The following CCDC38 variants were observed in gnomAD, a reference collection of about 807,000 sequenced individuals.
CCDC38 encodes coiled-coil domain containing 38.
In CCDC38, 69 loss-of-function variants were observed where a neutral mutation model predicts 72.8. That is an observed-to-expected ratio of 0.95 (90% confidence interval 0.78 to 1.16). CCDC38 has a LOEUF of 1.16. Ranked by LOEUF, CCDC38 falls within the 50% of genes most tolerant of loss-of-function variation. The pLI is 0.00. For missense variants in CCDC38, 626 were observed against 638.9 expected (o/e 0.98, Z 0.22); for synonymous variants, 201 against 213.2 (o/e 0.94, Z 0.50).
At chr12:95,887,394 G>A (rs1898179) in intron 10 of CCDC38, among the ~76,000 whole-genome samples, 27,250 of 152,094 alleles carry the variant, frequency 0.18, 2,619 homozygotes, top group African/African-American at 0.24. Context: ...ACTGTAGCAC[G>A]TCCATACCAT....
chr12:95,892,444 C>T (rs2079838868), intron 8 of CCDC38, among the ~76,000 whole-genome samples: 1 of 151,286 alleles, frequency 6.6e-6, no homozygotes, highest in East Asian at 1.9e-4. Context: ...CCACCATGCT[C>T]AGCTAATTTT....
intron 3 of CCDC38, among the ~76,000 whole-genome samples, chr12:95,918,211 C>T (rs928704730): frequency 3.9e-5 from 6 of 152,198 alleles, no homozygotes; most frequent in Admixed American, 3.9e-4. Context: ...GAGATTAACT[C>T]TGCAAGGCAC....
chr12:95,927,877 T>C (rs1219492168), intron 2 of CCDC38, among the ~76,000 whole-genome samples: 1 of 149,874 alleles, frequency 6.7e-6, no homozygotes, highest in African/African-American at 2.5e-5. Flanking sequence ...CCCACTCTCT[T>C]CTGGCTTGTA....
intron 7 of CCDC38, among the ~76,000 whole-genome samples, chr12:95,897,921 C>T (rs534211436): frequency 5.9e-5 from 9 of 151,990 alleles, no homozygotes; most frequent in Non-Finnish European, 1.2e-4. Context: ...CTAGTTTCCA[C>T]TATGTAAGCG....
intron 2 of CCDC38, among the ~76,000 whole-genome samples, chr12:95,925,454 G>C (rs1022903571): frequency 6.6e-6 from 1 of 152,200 alleles, no homozygotes. Flanking sequence ...AGACGATGGG[G>C]TTTTCTAGAT....
At chr12:95,925,794 A>T (rs756492172) in intron 2 of CCDC38, among the ~76,000 whole-genome samples, 7 of 151,688 alleles carry the variant, frequency 4.6e-5, no homozygotes, top group Middle Eastern at 3.4e-3. Context: ...ATCTATTGAG[A>T]TAATCATGTG....
At chr12:95,925,370 T>C (rs560974512) in intron 2 of CCDC38, among the ~76,000 whole-genome samples, 1 of 152,328 alleles carries the variant, frequency 6.6e-6, no homozygotes, top group South Asian at 2.1e-4. Context: ...AGAATGCTTG[T>C]GATTTTTGCA....
At chr12:95,919,797 G>A in intron 2 of CCDC38, 1 of 297,542 alleles carries the variant, frequency 3.4e-6, no homozygotes, top group Non-Finnish European at 6.8e-6. Flanking sequence ...CCTCTGCCCA[G>A]ATTAGAGAGT....
Position 95,894,976 on chromosome 12 carries a change from A to G in CCDC38, c.772+13T>C, listed in dbSNP as rs2079869825. On this transcript the variant is annotated intron_variant, in intron 8 of 15. Transcript: ENST00000344280. ...GATATTTAGTTCATGAAAGTTGAGT[A>G]TAAGTAACTTACTTGCTAATATTTT... The G allele has an allele frequency of 6.3e-7, 1 of 1,596,472 alleles. No individual in the cohort carries two copies. The highest frequency in any genetic ancestry group is 1.3e-5 in the African/African-American group (1 of 74,288).
chr12:95,943,178 G>A (rs1048124342), upstream of CCDC38: 1 of 509,312 alleles, frequency 2.0e-6, no homozygotes, highest in Non-Finnish European at 3.4e-6. Context: ...AAAAAAGAGA[G>A]GATTCCTCAT....
Position 95,936,521 on chromosome 12 carries a change from G to T in CCDC38, c.-12C>A, listed in dbSNP as rs1364712599. The T allele has an allele frequency of 1.2e-6, 2 of 1,600,150 alleles. No homozygotes were observed. The highest frequency in any genetic ancestry group is 3.5e-5 in the Admixed American group (2 of 57,452). On this transcript the variant is annotated splice_region_variant and 5_prime_UTR_variant, in exon 2 of 16. Coordinates refer to ENST00000344280, the MANE Select transcript of CCDC38 (RefSeq NM_182496.3). Reference sequence around the variant, plus strand: ...AAATTTGAGGACATTTTCTTGCCTGGCCCTGTTGAAAGAAAAAAAAATACG... The same window carrying T: ...AAATTTGAGGACATTTTCTTGCCTGTCCCTGTTGAAAGAAAAAAAAATACG...
intron 4 of CCDC38, among the ~76,000 whole-genome samples, chr12:95,910,334 A>ACACAC (rs1485238745): frequency 2.1e-5 from 3 of 141,658 alleles, no homozygotes; most frequent in Non-Finnish European, 4.7e-5. Context: ...CACACACACA[A>ACACAC]AATACCTATG....
At chr12:95,898,868 T>C in intron 5 of CCDC38, 137 bp from the exon 6 acceptor site, 1 of 844,678 alleles carries the variant, frequency 1.2e-6, no homozygotes, top group Non-Finnish European at 1.8e-6. Context: ...ACTTTATTTC[T>C]TGAAGGAGTT....
Position 95,893,335 on chromosome 12 carries a change from C to T in CCDC38, c.772+1654G>A, listed in dbSNP as rs542723301. Among the ~76,000 whole-genome samples, 200 of 150,496 alleles carry T rather than the reference C, an allele frequency of 1.3e-3. 3 individuals are homozygous for T. Among genetic ancestry groups the T allele is most frequent in the African/African-American group, 4.8e-3 (195 of 40,966 alleles). Reference sequence around the variant, plus strand: ...TCCTTTTCCCTTCCTTTGCCCTTCCCTTCCCTTCCCTTCCATTCCATTCCC... The same window carrying T: ...TCCTTTTCCCTTCCTTTGCCCTTCCTTTCCCTTCCCTTCCATTCCATTCCC... On this transcript the variant is annotated intron_variant, in intron 8 of 15. Transcript: ENST00000344280.
chr12:95,909,657 AC>A (rs143803582), intron 4 of CCDC38, among the ~76,000 whole-genome samples: 13,860 of 152,182 alleles, frequency 0.091, 792 homozygotes, highest in Non-Finnish European at 0.12. Flanking sequence ...CCTCAAAAAA[AC>A]ACTAGCAAAC....
rs2080270094 is a variant in CCDC38 at position 95,926,284 on chromosome 12, C to G, written c.38-7308G>C. Among the ~76,000 whole-genome samples the G allele has an allele frequency of 2.6e-5, 4 of 152,074 alleles. No homozygotes were observed. In the South Asian group the frequency reaches 8.3e-4, roughly 32 times the overall value. ...TTTAGTCTTGGGAGAGTGTATGTGT[C>G]AAGGAATTTATCCATTTCTTCTAGA... On this transcript the variant is annotated intron_variant, in intron 2 of 15. Coordinates refer to ENST00000344280, the MANE Select transcript of CCDC38 (RefSeq NM_182496.3).
At chr12:95,903,066 A>G (rs1388300495) in intron 5 of CCDC38, among the ~76,000 whole-genome samples, 1 of 151,976 alleles carries the variant, frequency 6.6e-6, no homozygotes, top group Non-Finnish European at 1.5e-5. Context: ...TAGGTCTTTA[A>G]TTTTTCTCTG....
chr12:95,884,628 C>T (rs890632649), intron 10 of CCDC38, among the ~76,000 whole-genome samples: 1 of 152,212 alleles, frequency 6.6e-6, no homozygotes, highest in African/African-American at 2.4e-5. Context: ...GTCAACAGGC[C>T]ATGTTCTCTC....
chr12:95,869,226 T>A (rs2079554507), intron 15 of CCDC38, among the ~76,000 whole-genome samples: 2 of 152,162 alleles, frequency 1.3e-5, no homozygotes, highest in South Asian at 2.1e-4. Context: ...AATTATCTGA[T>A]TTTAATGAAC....
Sources: gnomAD v4.1 joint callset for allele counts (sites outside exome capture counted in the v4.1 genomes callset) on GRCh38, gnomAD v4.1.1 for gene constraint, MANE v1.5 for transcripts, NCBI Gene and HGNC (gene_info 2026-07-23, HGNC 2026-07-21) for gene names.